Variants in KIAA1217 observed in about 807,000 individuals in gnomAD.
KIAA1217 encodes sickle tail protein homolog.
Under a neutral mutation model 163.9 loss-of-function variants are expected in KIAA1217, and 88 were observed. That is an observed-to-expected ratio of 0.54 (90% CI 0.45 to 0.64). The LOEUF (loss-of-function observed/expected upper bound fraction) is 0.64, where lower values mean the gene tolerates loss of function less well. Ranked by LOEUF, KIAA1217 falls within the 30% of genes least tolerant of loss-of-function variation. The pLI is 0.00. For missense variants in KIAA1217, 2,372 were observed against 2,475.0 expected (o/e 0.96, Z 0.88); for synonymous variants, 903 against 923.1 (o/e 0.98, Z 0.39).
chr10:24,512,559 C>G (rs2069358154), intron 9 of KIAA1217, among the ~76,000 whole-genome samples: 1 of 152,168 alleles, frequency 6.6e-6, no homozygotes, highest in Admixed American at 6.5e-5. Context: ...TACAGGTAGC[C>G]TACCTCCAAT....
At chr10:24,472,441 T>C (rs1040544027) in intron 5 of KIAA1217, among the ~76,000 whole-genome samples, 1 of 152,192 alleles carries the variant, frequency 6.6e-6, no homozygotes, top group Non-Finnish European at 1.5e-5. Context: ...TCTCCCTAGA[T>C]TGTATCCACT....
chr10:23,958,588 C>T (rs754934268), intron 1 of KIAA1217, among the ~76,000 whole-genome samples: 10 of 152,014 alleles, frequency 6.6e-5, no homozygotes, highest in Middle Eastern at 3.2e-3. Flanking sequence ...TTGAGAAAAA[C>T]GTGACTTTTC....
chr10:24,217,784 CACTTA>C (rs1564844356), intron 1 of KIAA1217, among the ~76,000 whole-genome samples: 1 of 152,184 alleles, frequency 6.6e-6, no homozygotes, highest in Admixed American at 6.6e-5. Flanking sequence ...TATTTTTCTG[CACTTA>C]ACTTGTAAAG....
At chr10:24,174,568 G>T (rs1164173838) in intron 2 of KIAA1217, among the ~76,000 whole-genome samples, 1 of 152,202 alleles carries the variant, frequency 6.6e-6, no homozygotes, top group Non-Finnish European at 1.5e-5. Context: ...GAGGGAGCAT[G>T]ACCCTCTCAA....
At chr10:24,188,780 G>A (rs192827610) in intron 2 of KIAA1217, among the ~76,000 whole-genome samples, 12 of 152,256 alleles carry the variant, frequency 7.9e-5, no homozygotes, top group Non-Finnish European at 2.9e-5. Flanking sequence ...CAAGCCTCAT[G>A]TCCATGGGCT....
At position 23,721,128 on chromosome 10, in the gene KIAA1217, A is replaced by C. The variant is rs1482787363; in HGVS notation, c.-321+25894A>C. The stretch of plus-strand genomic sequence containing the variant: ...AATACGACATGTGAGAACTTCATAA[A>C]ACATTTGGGAAATTAGCCAGTTTCC... On this transcript the variant is annotated intron_variant, in intron 1 of 18. Coordinates refer to the KIAA1217 transcript ENST00000376462. 2.0e-5 allele frequency among the ~76,000 whole-genome samples: 3 copies of C among 152,320 alleles called. No homozygotes were observed. The East Asian group carries it at 5.8e-4, about 29-fold the overall frequency.
intron 1 of KIAA1217, among the ~76,000 whole-genome samples, chr10:23,977,715 A>C (rs1296794246): frequency 1.3e-5 from 2 of 152,244 alleles, no homozygotes; most frequent in Non-Finnish European, 2.9e-5. Context: ...CTCTGAGGCC[A>C]CAATTTAAAG....
intron 1 of KIAA1217, among the ~76,000 whole-genome samples, chr10:23,858,318 C>G (rs1839796164): frequency 6.6e-6 from 1 of 152,064 alleles, no homozygotes. Context: ...AGCATGATGA[C>G]AGTTGTAATT....
intron 1 of KIAA1217, among the ~76,000 whole-genome samples, chr10:23,746,575 C>G (rs1208821414): frequency 6.6e-6 from 1 of 152,030 alleles, no homozygotes; most frequent in East Asian, 1.9e-4. Context: ...AGGCGCCCGC[C>G]ACCACGCCCA....
chr10:23,855,664 T>A (rs7895590), intron 1 of KIAA1217, among the ~76,000 whole-genome samples: 3,708 of 152,296 alleles, frequency 0.024, 172 homozygotes, highest in African/African-American at 0.085. Context: ...AGACGTAGAT[T>A]TCGTCTTTTC....
intron 1 of KIAA1217, among the ~76,000 whole-genome samples, chr10:23,738,445 C>G (rs745710433): frequency 2.0e-5 from 3 of 152,108 alleles, no homozygotes; most frequent in Non-Finnish European, 4.4e-5. Flanking sequence ...TTGGCCTCTA[C>G]TCTGAAAATG....
At chr10:24,408,825 C>T (rs1288422945) in intron 3 of KIAA1217, among the ~76,000 whole-genome samples, 2 of 152,150 alleles carry the variant, frequency 1.3e-5, no homozygotes, top group African/African-American at 4.8e-5. Context: ...TATCTCTAAC[C>T]TGCCTTATTT....
At chr10:23,753,278 A>T (rs1470414060) in intron 1 of KIAA1217, among the ~76,000 whole-genome samples, 1 of 152,144 alleles carries the variant, frequency 6.6e-6, no homozygotes, top group East Asian at 1.9e-4. Context: ...GAAAGAAAAG[A>T]TGACATCCTC....
intron 2 of KIAA1217, among the ~76,000 whole-genome samples, chr10:24,048,666 G>C (rs1048836844): frequency 6.6e-6 from 1 of 151,514 alleles, no homozygotes; most frequent in Non-Finnish European, 1.5e-5. Flanking sequence ...GGAGGCAGAG[G>C]TTGCAGTGAG....
At chr10:23,917,536 T>G (rs1842678852) in intron 1 of KIAA1217, among the ~76,000 whole-genome samples, 1 of 152,160 alleles carries the variant, frequency 6.6e-6, no homozygotes. Context: ...TGAGATGCAA[T>G]AACAGATTGG....
chr10:23,780,025 T>A (rs1284310765), intron 1 of KIAA1217, among the ~76,000 whole-genome samples: 3 of 152,192 alleles, frequency 2.0e-5, no homozygotes, highest in Non-Finnish European at 4.4e-5. Context: ...CACCCTATGA[T>A]GTTCATAGGA....
chr10:24,515,934 G>A (rs1188410152), intron 10 of KIAA1217, among the ~76,000 whole-genome samples: 1 of 152,196 alleles, frequency 6.6e-6, no homozygotes, highest in Non-Finnish European at 1.5e-5. Flanking sequence ...AGCCAGCTGT[G>A]GTGGCATGCC....
At chr10:24,205,811 C>A (rs994568360), upstream of KIAA1217, among the ~76,000 whole-genome samples, 8 of 151,820 alleles carry the variant, frequency 5.3e-5, no homozygotes, top group African/African-American at 1.9e-4. Context: ...GAAAAATTTA[C>A]ATGAAGGAAG....
chr10:23,982,529 TTCTCTCTCTCTCTCTCTCTCTCTC>T (rs59075123), intron 1 of KIAA1217, among the ~76,000 whole-genome samples: 2 of 73,628 alleles, frequency 2.7e-5, no homozygotes, highest in East Asian at 4.6e-4. Context: ...TGTTTTTTGT[TTCTCTCTCTCTCTCTCTCTCTCTC>T]TCTCTCTCTC....
Sources: allele counts gnomAD v4.1 joint callset (sites outside exome capture counted in the v4.1 genomes callset), GRCh38; gene constraint gnomAD v4.1.1; transcripts MANE v1.5; gene names NCBI Gene and HGNC (gene_info 2026-07-23, HGNC 2026-07-21).